The following CDH13 variants were observed in gnomAD, a reference collection of about 807,000 sequenced individuals.
The protein encoded by CDH13 is cadherin 13.
CDH13 carries 24 observed loss-of-function variants against 63.8 expected under a neutral mutation model. The observed-to-expected ratio is 0.38, with a 90% CI of 0.27 to 0.53. The LOEUF (loss-of-function observed/expected upper bound fraction) is 0.53, where lower values mean the gene tolerates loss of function less well. CDH13 is among the 20% of genes least tolerant of loss of function. CDH13 has a pLI of 0.85. For synonymous variants in CDH13, 503 were observed against 355.3 expected, an observed-to-expected ratio of 1.42 and a Z score of -4.67; for missense variants, 1,049 against 903.1, an observed-to-expected ratio of 1.16 and a Z score of -2.07.
intron 1 of CDH13, among the ~76,000 whole-genome samples, chr16:82,729,343 A>C (rs1437271252): frequency 6.6e-6 from 1 of 152,190 alleles, no homozygotes; most frequent in East Asian, 1.9e-4. Context: ...TAATAATAAG[A>C]CTTGAAAGTT....
At chr16:83,179,481 T>TAAAAAAAAAAAA (rs565547312) in intron 4 of CDH13, among the ~76,000 whole-genome samples, 15 of 69,076 alleles carry the variant, frequency 2.2e-4, no homozygotes, top group African/African-American at 6.3e-4. Context: ...CCGTCTCTAC[T>TAAAAAAAAAAAA]AAAAAAAAAA....
chr16:83,086,381 C>G (rs547612447), intron 3 of CDH13, among the ~76,000 whole-genome samples: 2 of 152,240 alleles, frequency 1.3e-5, no homozygotes, highest in Admixed American at 1.3e-4. Flanking sequence ...ACTTAGTGTT[C>G]TAATCTGTAA....
At chr16:83,214,812 A>T (rs1299354096) in intron 4 of CDH13, among the ~76,000 whole-genome samples, 1 of 152,042 alleles carries the variant, frequency 6.6e-6, no homozygotes, top group South Asian at 2.1e-4. Context: ...CACTTTAAAG[A>T]TGAGGCGATG....
At chr16:83,265,189 T>A (rs1344531732) in intron 5 of CDH13, among the ~76,000 whole-genome samples, 2 of 152,222 alleles carry the variant, frequency 1.3e-5, no homozygotes, top group East Asian at 3.9e-4. Flanking sequence ...TCTGCTCTAG[T>A]TTCTTCCTCT....
At chr16:82,960,789 T>A (rs1423186211) in intron 2 of CDH13, among the ~76,000 whole-genome samples, 2 of 152,188 alleles carry the variant, frequency 1.3e-5, no homozygotes, top group Non-Finnish European at 2.9e-5. Context: ...TTCATTTGTC[T>A]GTAGCAAGGT....
intron 10 of CDH13, chr16:83,740,165 G>A (rs1335740934): frequency 1.3e-5 from 2 of 152,224 alleles, no homozygotes; most frequent in African/African-American, 4.8e-5. Flanking sequence ...GCTGAGGAAA[G>A]AGGTAGAAAA....
intron 5 of CDH13, among the ~76,000 whole-genome samples, chr16:83,304,350 G>A (rs2089824704): frequency 1.3e-5 from 2 of 152,178 alleles, no homozygotes; most frequent in Non-Finnish European, 2.9e-5. Flanking sequence ...GACTGTGTTG[G>A]TAATTTTAGA....
At chr16:83,386,265 G>T (rs372084144) in intron 6 of CDH13, among the ~76,000 whole-genome samples, 1 of 152,162 alleles carries the variant, frequency 6.6e-6, no homozygotes, top group Non-Finnish European at 1.5e-5. Flanking sequence ...TCTCTTGACC[G>T]AATCCAGCAT....
At chr16:83,275,495 C>G (rs2088959232) in intron 5 of CDH13, among the ~76,000 whole-genome samples, 1 of 152,126 alleles carries the variant, frequency 6.6e-6, no homozygotes, top group African/African-American at 2.4e-5. Flanking sequence ...CTTAGTTTTT[C>G]TCTGATGAGG....
chr16:82,709,700 G>C (rs1208081256), intron 1 of CDH13, among the ~76,000 whole-genome samples: 2 of 152,170 alleles, frequency 1.3e-5, no homozygotes, highest in African/African-American at 4.8e-5. Context: ...GAGGAGCTTA[G>C]CTTGTTTAAC....
intron 1 of CDH13, among the ~76,000 whole-genome samples, chr16:82,852,626 A>G (rs1471733855): frequency 6.6e-6 from 1 of 152,212 alleles, no homozygotes. Flanking sequence ...ACTAATCTCA[A>G]TGACAGTTCT....
At chr16:83,548,655 C>T (rs2075433552) in intron 7 of CDH13, among the ~76,000 whole-genome samples, 1 of 152,154 alleles carries the variant, frequency 6.6e-6, no homozygotes, top group Non-Finnish European at 1.5e-5. Context: ...GTTCCTGAGG[C>T]ATTTGGAGAC....
chr16:83,420,649 T>G (rs2151469691), intron 6 of CDH13, among the ~76,000 whole-genome samples: 1 of 152,302 alleles, frequency 6.6e-6, no homozygotes, highest in East Asian at 1.9e-4. Flanking sequence ...TAAAAGGATA[T>G]TTATCAGAGA....
chr16:83,526,867 C>T (rs1444904240), intron 7 of CDH13, among the ~76,000 whole-genome samples: 2 of 152,284 alleles, frequency 1.3e-5, no homozygotes, highest in East Asian at 1.9e-4. Context: ...GATGGTGGCT[C>T]GTGCCCGTAA....
intron 1 of CDH13, among the ~76,000 whole-genome samples, chr16:82,718,266 A>G (rs2032522877): frequency 6.6e-6 from 1 of 152,176 alleles, no homozygotes; most frequent in African/African-American, 2.4e-5. Flanking sequence ...TGGGGTATTT[A>G]TCTACCAACT....
At position 82,902,439 on chromosome 16, in the gene CDH13, C is replaced by T. The variant is rs1345997281; in HGVS notation, c.157+43966C>T. Among the ~76,000 whole-genome samples the T allele has an allele frequency of 1.3e-5, 2 of 151,280 alleles. 1 individual carries two copies. Among genetic ancestry groups the T allele is most frequent in the Non-Finnish European group, 2.9e-5 (2 of 67,948 alleles). On this transcript the variant is annotated intron_variant, in intron 2 of 13. Coordinates refer to ENST00000567109, the MANE Select transcript of CDH13 (RefSeq NM_001257.5). ...AGTTGAGGATCATTTTGCCAGGATA[C>T]ATTGGTCTTTGACAAGCAATTAAGA...
chr16:82,628,345 G>T (rs186849608), intron 1 of CDH13, among the ~76,000 whole-genome samples: 39 of 152,248 alleles, frequency 2.6e-4, no homozygotes, highest in Middle Eastern at 3.4e-3. Context: ...TCCTGGCCGG[G>T]GTAGAGGCTC....
At chr16:83,472,476 C>T (rs1051576505) in intron 6 of CDH13, among the ~76,000 whole-genome samples, 24 of 152,252 alleles carry the variant, frequency 1.6e-4, no homozygotes, top group Admixed American at 3.3e-4. Context: ...AGGTCGGCCC[C>T]GGGAGCTGGC....
At chr16:82,748,659 A>G (rs746517729) in intron 1 of CDH13, among the ~76,000 whole-genome samples, 2 of 152,198 alleles carry the variant, frequency 1.3e-5, no homozygotes, top group Non-Finnish European at 2.9e-5. Context: ...ATTGTAAGGT[A>G]GTAAGGCATG....
Sources: allele counts gnomAD v4.1 joint callset (sites outside exome capture counted in the v4.1 genomes callset), GRCh38; gene constraint gnomAD v4.1.1; transcripts MANE v1.5; gene names NCBI Gene and HGNC (gene_info 2026-07-23, HGNC 2026-07-21).